Variants in SCN7A observed in about 807,000 individuals in gnomAD.
SCN7A encodes sodium channel protein type 7 subunit alpha.
In SCN7A, 138 loss-of-function variants were observed where a neutral mutation model predicts 155.2. That is an observed-to-expected ratio of 0.89 (90% CI 0.77 to 1.02). SCN7A has a LOEUF of 1.02. Among genes scored for constraint, SCN7A ranks in the 50% least tolerant of loss-of-function variants. SCN7A has a pLI of 0.00. For synonymous variants in SCN7A, 693 were observed against 649.0 expected, an observed-to-expected ratio of 1.07 and a Z score of -1.03; for missense variants, 2,058 against 1,986.6, an observed-to-expected ratio of 1.04 and a Z score of -0.68.
intron 11 of SCN7A, among the ~76,000 whole-genome samples, chr2:166,455,546 G>C (rs1215820850): frequency 6.6e-6 from 1 of 152,190 alleles, no homozygotes; most frequent in Non-Finnish European, 1.5e-5. Flanking sequence ...GACTACTAGA[G>C]GGGGAAGAGA....
intron 21 of SCN7A, chr2:166,414,365 G>A (rs1364594726): frequency 1.6e-5 from 2 of 124,814 alleles, no homozygotes; most frequent in South Asian, 2.4e-4. Context: ...ATTTAACAGA[G>A]GAAATACAGA....
chr2:166,492,951 C>A (rs1683146215), intron 1 of SCN7A, among the ~76,000 whole-genome samples: 1 of 152,154 alleles, frequency 6.6e-6, no homozygotes, highest in Non-Finnish European at 1.5e-5. Flanking sequence ...TTCTAAATCC[C>A]AAAGACTTGT....
intron 9 of SCN7A, among the ~76,000 whole-genome samples, chr2:166,463,954 G>A (rs976220348): frequency 3.3e-5 from 5 of 151,952 alleles, no homozygotes; most frequent in Non-Finnish European, 7.4e-5. Context: ...TACTTGAGAG[G>A]CAGAGGCACT....
At chr2:166,411,383 T>A (rs1375651621) in intron 23 of SCN7A, among the ~76,000 whole-genome samples, 1 of 152,010 alleles carries the variant, frequency 6.6e-6, no homozygotes, top group Non-Finnish European at 1.5e-5. Context: ...CTATCTCTGT[T>A]ATCAAGCGAT....
At chr2:166,421,169 G>T in intron 20 of SCN7A, 21 bp downstream of exon 20, 3 of 1,430,250 alleles carry the variant, frequency 2.1e-6, no homozygotes, top group Non-Finnish European at 2.8e-6. Flanking sequence ...TTGTAGATTA[G>T]CTTAGAAACT....
In SCN7A at chr2:166,404,824, G is replaced by GAAAAAAAAAAAAAAAAAAA. The variant is rs35675449; in HGVS notation, c.*737_*755dup. ...AAATAGGTGTAAATGAGAAGAAAATGAAAAAAAAAAAAAAAAAAAAGGCTA... is the reference window on the plus strand; with the variant it reads ...AAATAGGTGTAAATGAGAAGAAAATGAAAAAAAAAAAAAAAAAAAAAAAAAAAAAAAAAAAAAAAGGCTA... On this transcript the variant is annotated 3_prime_UTR_variant, in exon 26 of 26. Transcript: ENST00000643258. 8 of 62,766 alleles carry GAAAAAAAAAAAAAAAAAAA rather than the reference G, an allele frequency of 1.3e-4. 2 individuals carry two copies. The highest frequency in any genetic ancestry group is 1.7e-4 in the Non-Finnish European group (5 of 30,258). The allele number at this position is 62,766 out of a possible 1,614,324, so 3.9% of individuals were successfully genotyped here.
intron 14 of SCN7A, among the ~76,000 whole-genome samples, chr2:166,442,231 G>A (rs923851611): frequency 6.6e-6 from 1 of 151,944 alleles, no homozygotes; most frequent in African/African-American, 2.4e-5. Flanking sequence ...GGTTTATATT[G>A]AATAGTCCCC....
chr2:166,432,812 A>G, intron 15 of SCN7A, 60 bp from the exon 16 acceptor site: 1 of 1,293,412 alleles, frequency 7.7e-7, no homozygotes, highest in Non-Finnish European at 1.0e-6. Context: ...TTAAGTAATG[A>G]AAAGTTTGTT....
At position 166,405,685 on chromosome 2, in the gene SCN7A, T is replaced by C; in HGVS notation, c.4944A>G (p.Thr1648=). The C allele has an allele frequency of 6.2e-7, 1 of 1,612,994 alleles. No individual in the cohort carries two copies. The highest frequency in any genetic ancestry group is 1.1e-5 in the South Asian group (1 of 91,042). ...CACCATCTATCATATGAATATCTGA[T>C]GTATTTTTGTCATTTCGCCTCAAGC... The part of the protein sequence containing the change: ...NYRLRRNDKN[T]SDIHMIDGDR... The change falls in exon 26 of 26, where the codon ACA becomes ACG. Residue 1648 remains threonine (T), a synonymous_variant. Transcript: ENST00000643258.
chr2:166,447,002 G>T (rs1213265854), intron 12 of SCN7A, among the ~76,000 whole-genome samples: 2 of 152,148 alleles, frequency 1.3e-5, no homozygotes, highest in Non-Finnish European at 2.9e-5. Flanking sequence ...TAGCAAACCT[G>T]CACGTCCTGC....
intron 7 of SCN7A, among the ~76,000 whole-genome samples, chr2:166,467,965 T>C (rs1702573630): frequency 6.6e-6 from 1 of 151,970 alleles, no homozygotes; most frequent in Non-Finnish European, 1.5e-5. Context: ...ATTTACTGTG[T>C]CTATTTTTTC....
At chr2:166,411,388 A>C (rs1701198833) in intron 23 of SCN7A, among the ~76,000 whole-genome samples, 2 of 151,982 alleles carry the variant, frequency 1.3e-5, no homozygotes, top group African/African-American at 4.8e-5. Context: ...TCTGTTATCA[A>C]GCGATTGTGT....
chr2:166,489,860 T>A (rs1023130483), intron 1 of SCN7A, among the ~76,000 whole-genome samples: 2 of 152,178 alleles, frequency 1.3e-5, no homozygotes, highest in African/African-American at 4.8e-5. Context: ...TCCTAGAATA[T>A]GTTATCTTGC....
intron 1 of SCN7A, among the ~76,000 whole-genome samples, chr2:166,487,237 A>C (rs2105537771): frequency 6.6e-6 from 1 of 152,284 alleles, no homozygotes; most frequent in South Asian, 2.1e-4. Flanking sequence ...GTTGGATGAT[A>C]AATTACATGG....
At chr2:166,414,265 CACACA>C (rs1701299384) in intron 21 of SCN7A, among the ~76,000 whole-genome samples, 16 of 22,664 alleles carry the variant, frequency 7.1e-4, no homozygotes, top group South Asian at 1.2e-3. Context: ...GATATATATA[CACACA>C]CATATATATA....
chr2:166,418,101 C>T (rs1435578713), intron 20 of SCN7A, among the ~76,000 whole-genome samples: 1 of 117,280 alleles, frequency 8.5e-6, no homozygotes, highest in Non-Finnish European at 2.1e-5. Context: ...TTATTTTTCT[C>T]TTAGCTTTTT....
rs1300997892 is a variant in SCN7A, at chr2:166,457,096, A to C, written c.1084-20T>G. On this transcript the variant is annotated intron_variant, in intron 10 of 25. Transcript: ENST00000643258. ...AAGTATCTAAGGAAAGGTAGAAAGT[A>C]AGGCAAAAGAGTAAAATGTTATTTA... The C allele has an allele frequency of 4.0e-6, 6 of 1,515,278 alleles. No individual in the cohort carries two copies. Among genetic ancestry groups the C allele is most frequent in the Non-Finnish European group, 3.6e-6 (4 of 1,111,390 alleles). 93.9% of individuals were successfully genotyped at this position (1,515,278 alleles called of 1,614,324 possible).
In SCN7A at chr2:166,460,431, A is replaced by AT. The variant is rs200774472; in HGVS notation, c.1083+1957dup. ...AAATTAAAATAAGACAAAAATACTTATTTTTTTTCTCAGATAGATAAAAAA... is the reference window on the plus strand; with the variant it reads ...AAATTAAAATAAGACAAAAATACTTATTTTTTTTTCTCAGATAGATAAAAAA... On this transcript the variant is annotated intron_variant, in intron 10 of 25. Coordinates refer to ENST00000643258, the MANE Select transcript of SCN7A (RefSeq NM_002976.4). Among the ~76,000 whole-genome samples, 472 of 152,056 alleles carry AT rather than the reference A, an allele frequency of 3.1e-3. 5 individuals are homozygous for AT. Among genetic ancestry groups the AT allele is most frequent in the Non-Finnish European group, 1.5e-3 (103 of 67,952 alleles).
chr2:166,464,186 ATATG>A (rs1330227112), intron 9 of SCN7A, among the ~76,000 whole-genome samples: 8 of 150,988 alleles, frequency 5.3e-5, no homozygotes, highest in Admixed American at 4.6e-4. Flanking sequence ...ATATGTGTAT[ATATG>A]TATGTGTGTG....
Sources: gnomAD v4.1 joint callset for allele counts (sites outside exome capture counted in the v4.1 genomes callset) on GRCh38, gnomAD v4.1.1 for gene constraint, MANE v1.5 for transcripts, NCBI Gene and HGNC (gene_info 2026-07-23, HGNC 2026-07-21) for gene names.